The following DRC1 variants were observed in gnomAD, a reference collection of about 807,000 sequenced individuals.
DRC1 encodes dynein regulatory complex subunit 1, also known as dynein regulatory complex protein 1.
In DRC1, 74 loss-of-function variants were observed where a neutral mutation model predicts 98.7. The observed-to-expected ratio is 0.75, with a 90% confidence interval of 0.62 to 0.91. DRC1 has a LOEUF of 0.91. DRC1 is among the 40% of genes least tolerant of loss of function. The pLI is 0.00. For synonymous variants in DRC1, 336 were observed against 334.1 expected (o/e 1.01, Z -0.06); for missense variants, 875 against 886.0 (o/e 0.99, Z 0.16).
intron 2 of DRC1, among the ~76,000 whole-genome samples, chr2:26,414,694 C>T (rs1373265869): frequency 1.3e-5 from 2 of 152,208 alleles, no homozygotes; most frequent in African/African-American, 2.4e-5. Flanking sequence ...TTAGCTTGGG[C>T]GCTCAAGGCC....
At chr2:26,426,128 C>T (rs887323318) in intron 4 of DRC1, among the ~76,000 whole-genome samples, 7 of 152,162 alleles carry the variant, frequency 4.6e-5, no homozygotes, top group Non-Finnish European at 5.9e-5. Context: ...CCAGTTTTCT[C>T]AACATCATTT....
At chr2:26,449,872 C>G in intron 11 of DRC1, 124 bp from the exon 12 acceptor site, 1 of 809,634 alleles carries the variant, frequency 1.2e-6, no homozygotes, top group South Asian at 1.8e-5. Context: ...ACTGCTGGCT[C>G]CCATCCCTGG....
intron 7 of DRC1, among the ~76,000 whole-genome samples, chr2:26,434,233 C>G (rs1223645859): frequency 2.0e-5 from 3 of 152,092 alleles, no homozygotes; most frequent in African/African-American, 7.2e-5. Context: ...AAAAAAATGT[C>G]TTACTATTCA....
At chr2:26,441,447 A>G (rs1459463482) in intron 8 of DRC1, among the ~76,000 whole-genome samples, 1 of 152,234 alleles carries the variant, frequency 6.6e-6, no homozygotes, top group Non-Finnish European at 1.5e-5. Flanking sequence ...AGAAATAAGA[A>G]TAGACAGGGG....
At chr2:26,455,075 T>C in intron 15 of DRC1, 56 bp from the exon 16 acceptor site, 1 of 1,590,718 alleles carries the variant, frequency 6.3e-7, no homozygotes, top group Non-Finnish European at 8.6e-7. Context: ...CCCTGGCCCC[T>C]ACTTGGCAGA....
At chr2:26,410,352 A>G (rs946860805) in intron 1 of DRC1, among the ~76,000 whole-genome samples, 6 of 151,094 alleles carry the variant, frequency 4.0e-5, no homozygotes, top group African/African-American at 1.5e-4. Flanking sequence ...GCTCACTGCA[A>G]CCTCTGCCTC....
At chr2:26,433,190 A>G (rs1270631363) in intron 7 of DRC1, among the ~76,000 whole-genome samples, 1 of 152,222 alleles carries the variant, frequency 6.6e-6, no homozygotes, top group Non-Finnish European at 1.5e-5. Context: ...CTGTTACAAT[A>G]CCAGCTAAAA....
intron 2 of DRC1, among the ~76,000 whole-genome samples, chr2:26,418,724 A>T (rs183984381): frequency 8.9e-6 from 1 of 111,936 alleles, no homozygotes; most frequent in African/African-American, 3.6e-5. Flanking sequence ...TAATATATAA[A>T]TTATATTTAA....
chr2:26,453,595 A>G, intron 14 of DRC1, 46 bp downstream of exon 14: 1 of 1,572,584 alleles, frequency 6.4e-7, no homozygotes, highest in Non-Finnish European at 8.7e-7. Flanking sequence ...GAACCAGGGG[A>G]GCTGGATGGG....
intron 3 of DRC1, among the ~76,000 whole-genome samples, chr2:26,422,647 G>A (rs925759816): frequency 6.6e-6 from 1 of 152,158 alleles, no homozygotes; most frequent in African/African-American, 2.4e-5. Flanking sequence ...GGCACGGGGT[G>A]GCCCACGCAT....
intron 4 of DRC1, among the ~76,000 whole-genome samples, chr2:26,426,637 G>A (rs1221273694): frequency 1.3e-5 from 2 of 152,060 alleles, no homozygotes; most frequent in Non-Finnish European, 2.9e-5. Context: ...AAAATGCTGG[G>A]ATTACAGATA....
At chr2:26,455,085 A>G (rs761025355) in intron 15 of DRC1, 46 bp from the exon 16 acceptor site, 11 of 1,602,800 alleles carry the variant, frequency 6.9e-6, no homozygotes, top group African/African-American at 1.3e-5. Context: ...TACTTGGCAG[A>G]GGATGGAGGA....
At chr2:26,442,022 G>A (rs1372182521) in intron 8 of DRC1, among the ~76,000 whole-genome samples, 1 of 152,198 alleles carries the variant, frequency 6.6e-6, no homozygotes, top group Admixed American at 6.5e-5. Context: ...CACAGTTCTG[G>A]AGTCTGGGAA....
chr2:26,456,261 C>CTGG (rs1664167568), intron 16 of DRC1, among the ~76,000 whole-genome samples, 200 bp from the exon 17 acceptor site: 1 of 152,188 alleles, frequency 6.6e-6, no homozygotes, highest in South Asian at 2.1e-4. Context: ...GAGGTCACAG[C>CTGG]TGGAGCAGAA....
At chr2:26,456,189 G>A (rs770510298) in intron 16 of DRC1, among the ~76,000 whole-genome samples, 6 of 152,218 alleles carry the variant, frequency 3.9e-5, no homozygotes, top group South Asian at 2.1e-4. Context: ...GCATGGGTGC[G>A]TGGAGAGAGG....
At chr2:26,449,858 G>GCCCACTGCTGGCT (rs1233878065) in intron 11 of DRC1, 138 bp from the exon 12 acceptor site, 1 of 699,740 alleles carries the variant, frequency 1.4e-6, no homozygotes, top group African/African-American at 1.8e-5. Context: ...CTTTGCTGGG[G>GCCCACTGCTGGCT]CCCACTGCTG....
intron 7 of DRC1, among the ~76,000 whole-genome samples, chr2:26,438,055 G>A (rs1035543721): frequency 7.7e-6 from 1 of 130,510 alleles, no homozygotes; most frequent in Non-Finnish European, 1.5e-5. Flanking sequence ...TCATGCCACT[G>A]CACTCCAGCC....
intron 8 of DRC1, 124 bp downstream of exon 8, chr2:26,440,641 G>GT: frequency 2.4e-6 from 3 of 1,258,276 alleles, no homozygotes; most frequent in South Asian, 2.6e-5. Context: ...TATTAAAATA[G>GT]TTTTTTGGAA....
In DRC1 at chr2:26,424,125, G is replaced by A. The variant is rs544016075; in HGVS notation, c.357-146G>A. 2.2e-5 allele frequency: 20 copies of A among 889,030 alleles called. No homozygotes were observed. The South Asian group carries it at 3.3e-4, about 14-fold the overall frequency. The allele number at this position is 889,030 out of a possible 1,614,324, so 55.1% of individuals were successfully genotyped here. A position where few individuals can be genotyped will look rare whatever the true frequency, so the allele number is the denominator to read the frequency against. On this transcript the variant is annotated intron_variant, in intron 3 of 16. Transcript: ENST00000288710. ...AAGCGTTAAACGAAAAGATTTCTCAGCATTGAGTTTGATTTTGGGCGGGTG... is the reference window on the plus strand; with the variant it reads ...AAGCGTTAAACGAAAAGATTTCTCAACATTGAGTTTGATTTTGGGCGGGTG...
Sources: gnomAD v4.1 joint callset for allele counts (sites outside exome capture counted in the v4.1 genomes callset) on GRCh38, gnomAD v4.1.1 for gene constraint, MANE v1.5 for transcripts, NCBI Gene and HGNC (gene_info 2026-07-23, HGNC 2026-07-21) for gene names.